DLG2: variants seen among roughly 807,000 people sequenced by gnomAD.
DLG2 encodes the protein discs large MAGUK scaffold protein 2, also known as disks large homolog 2.
A neutral mutation model predicts 132.5 loss-of-function variants in DLG2; 45 were observed. The observed-to-expected ratio is 0.34, with a 90% CI of 0.27 to 0.44. The LOEUF (loss-of-function observed/expected upper bound fraction) is 0.44, where lower values mean the gene tolerates loss of function less well. Among genes scored for constraint, DLG2 ranks in the 20% least tolerant of loss-of-function variants. DLG2 has a pLI of 1.00. For synonymous variants in DLG2, 424 were observed against 419.6 expected, an observed-to-expected ratio of 1.01 and a Z score of -0.13; for missense variants, 1,045 against 1,196.9, an observed-to-expected ratio of 0.87 and a Z score of 1.87.
chr11:84,363,502 C>G (rs1379336868), intron 7 of DLG2, among the ~76,000 whole-genome samples: 2 of 152,000 alleles, frequency 1.3e-5, no homozygotes, highest in Non-Finnish European at 2.9e-5. Flanking sequence ...TGTGCAGAAG[C>G]TCTTTAGTTT....
intron 6 of DLG2, among the ~76,000 whole-genome samples, chr11:84,796,587 T>G (rs995411381): frequency 6.6e-6 from 1 of 152,210 alleles, no homozygotes; most frequent in Non-Finnish European, 1.5e-5. Context: ...GATCTGGTGT[T>G]AATGAAATCC....
chr11:84,697,504 T>C (rs936778195), intron 6 of DLG2, among the ~76,000 whole-genome samples: 22 of 151,446 alleles, frequency 1.5e-4, no homozygotes, highest in Admixed American at 1.1e-3. Context: ...AAACACACAA[T>C]AAAATTGTCT....
chr11:84,604,285 T>C (rs1295309900), intron 6 of DLG2, among the ~76,000 whole-genome samples: 1 of 151,862 alleles, frequency 6.6e-6, no homozygotes, highest in African/African-American at 2.4e-5. Context: ...GAATAACATG[T>C]ACAAAACTCA....
chr11:83,673,482 G>A (rs1056613414), intron 18 of DLG2, among the ~76,000 whole-genome samples: 3 of 152,288 alleles, frequency 2.0e-5, no homozygotes, highest in African/African-American at 7.2e-5. Context: ...TGCTAGTGGG[G>A]CAACTGAAGC....
chr11:84,272,172 T>G (rs1427320717), intron 7 of DLG2: 1 of 292,976 alleles, frequency 3.4e-6, no homozygotes, highest in Non-Finnish European at 7.1e-6. Context: ...GTGGTTCAAT[T>G]AGAAGAGCTT....
rs180944557 is a variant in DLG2, at chr11:83,580,230, A to G, written c.1941-38372T>C. ...TCATGTACAGTGTAAATGGAATTGG[A>G]CTCTTCCCATTTTTCCTCTACTTTG... On this transcript the variant is annotated intron_variant, in intron 19 of 27. Coordinates refer to ENST00000376104, the MANE Select transcript of DLG2 (RefSeq NM_001142699.3). Among the ~76,000 whole-genome samples the G allele has an allele frequency of 5.7e-4, 86 of 151,996 alleles. 2 individuals are homozygous for G. In the East Asian group the frequency reaches 0.014, roughly 25 times the overall value.
chr11:84,879,314 C>T (rs1335238842), intron 6 of DLG2, among the ~76,000 whole-genome samples: 1 of 152,076 alleles, frequency 6.6e-6, no homozygotes, highest in East Asian at 1.9e-4. Flanking sequence ...TATTGAGTGC[C>T]AAAACCCCAT....
intron 19 of DLG2, among the ~76,000 whole-genome samples, chr11:83,558,247 A>G (rs2096552617): frequency 6.6e-6 from 1 of 152,150 alleles, no homozygotes; most frequent in African/African-American, 2.4e-5. Flanking sequence ...CATACATTTA[A>G]TACATCTTCT....
chr11:84,768,328 C>A (rs1213097327), intron 6 of DLG2, among the ~76,000 whole-genome samples: 1 of 151,994 alleles, frequency 6.6e-6, no homozygotes, highest in Non-Finnish European at 1.5e-5. Context: ...AAACAGCCAA[C>A]CCTATTATGA....
chr11:83,615,927 T>A (rs560703328), intron 19 of DLG2, among the ~76,000 whole-genome samples: 2 of 152,324 alleles, frequency 1.3e-5, no homozygotes, highest in South Asian at 2.1e-4. Flanking sequence ...AATTGTAAGA[T>A]GATAATTACG....
intron 7 of DLG2, among the ~76,000 whole-genome samples, chr11:84,415,264 C>T (rs1467029418): frequency 2.0e-5 from 3 of 152,128 alleles, no homozygotes; most frequent in Non-Finnish European, 4.4e-5. Context: ...ATTGCATGCA[C>T]CTGCTAATTT....
At chr11:83,972,675 A>C (rs1251128310) in intron 12 of DLG2, among the ~76,000 whole-genome samples, 1 of 152,162 alleles carries the variant, frequency 6.6e-6, no homozygotes, top group Non-Finnish European at 1.5e-5. Flanking sequence ...CACCAAAGGA[A>C]AAGCAATCAA....
At chr11:83,850,895 G>A (rs1002669270) in intron 16 of DLG2, among the ~76,000 whole-genome samples, 1 of 152,102 alleles carries the variant, frequency 6.6e-6, no homozygotes, top group Non-Finnish European at 1.5e-5. Flanking sequence ...GAAATTTTGA[G>A]GCCGGGCGCG....
At chr11:84,739,916 A>G (rs1187908193) in intron 6 of DLG2, among the ~76,000 whole-genome samples, 1 of 152,150 alleles carries the variant, frequency 6.6e-6, no homozygotes, top group East Asian at 1.9e-4. Context: ...GGGTCATTTT[A>G]CAGGATCTGA....
At chr11:83,753,763 T>C (rs2093451591) in intron 18 of DLG2, among the ~76,000 whole-genome samples, 1 of 139,624 alleles carries the variant, frequency 7.2e-6, no homozygotes, top group Non-Finnish European at 1.5e-5. Flanking sequence ...ATATGTAATA[T>C]ATATGATATG....
chr11:84,095,581 G>A (rs1033137918), intron 10 of DLG2, among the ~76,000 whole-genome samples: 2 of 152,116 alleles, frequency 1.3e-5, no homozygotes, highest in Non-Finnish European at 2.9e-5. Flanking sequence ...TTGAGGCGAT[G>A]GTGTTACTGT....
At chr11:83,713,797 A>C (rs765321367) in intron 18 of DLG2, among the ~76,000 whole-genome samples, 6 of 152,240 alleles carry the variant, frequency 3.9e-5, no homozygotes, top group Non-Finnish European at 7.3e-5. Context: ...CTGCTTCGTC[A>C]ACTGCTGGCT....
chr11:85,093,765 T>A (rs568330), intron 6 of DLG2, among the ~76,000 whole-genome samples: 101,690 of 152,124 alleles, frequency 0.67, 34,913 homozygotes, highest in East Asian at 0.94. Context: ...CTCACATGAC[T>A]TGTGGGAATT....
chr11:83,749,928 C>A (rs1156286747), intron 18 of DLG2, among the ~76,000 whole-genome samples: 2 of 152,134 alleles, frequency 1.3e-5, no homozygotes, highest in African/African-American at 4.8e-5. Flanking sequence ...TGTTACTAAT[C>A]AAAAAGACTG....
Sources: gnomAD v4.1 joint callset for allele counts (sites outside exome capture counted in the v4.1 genomes callset) on GRCh38, gnomAD v4.1.1 for gene constraint, MANE v1.5 for transcripts, NCBI Gene and HGNC (gene_info 2026-07-23, HGNC 2026-07-21) for gene names.